HNF4A: variants seen among roughly 807,000 people sequenced by gnomAD.
The protein encoded by HNF4A is hepatocyte nuclear factor 4-alpha.
A neutral mutation model predicts 52.4 loss-of-function variants in HNF4A; 15 were observed. The observed-to-expected ratio is 0.29, with a 90% confidence interval of 0.19 to 0.44. The LOEUF is 0.44. Ranked by LOEUF, HNF4A falls within the 20% of genes least tolerant of loss-of-function variation. The pLI is 1.00. For synonymous variants in HNF4A, 280 were observed against 264.4 expected (o/e 1.06, Z -0.57); for missense variants, 479 against 647.2 (o/e 0.74, Z 2.82).
At chr20:44,420,671 C>T (rs2063732180) in intron 7 of HNF4A, among the ~76,000 whole-genome samples, 1 of 151,774 alleles carries the variant, frequency 6.6e-6, no homozygotes, top group Non-Finnish European at 1.5e-5. Flanking sequence ...GTCCCAGCTA[C>T]TCGGGAAGCC....
rs199678287 is a variant in HNF4A, at chr20:44,406,113, C to G, written c.171C>G (p.Ser57Arg). The change falls in exon 2 of 10, where the codon AGC (serine) becomes AGG (arginine). Residue 57 changes from serine to arginine, a missense_variant. Physicochemically the swap from Ser to Arg is moderately radical, Grantham distance 110 (BLOSUM62 -1). Coordinates refer to ENST00000316099, the MANE Select transcript of HNF4A (RefSeq NM_000457.6). Reference sequence around the variant, plus strand: ...ACGCGCCCAACAGCCTGGGTGTCAGCGCCCTGTGTGCCATCTGCGGGGACC... The same window carrying G: ...ACGCGCCCAACAGCCTGGGTGTCAGGGCCCTGTGTGCCATCTGCGGGGACC... The G allele has an allele frequency of 1.2e-6, 2 of 1,613,480 alleles. No individual in the cohort carries two copies.
At chr20:44,394,251 A>AC (rs1362958149) in intron 1 of HNF4A, among the ~76,000 whole-genome samples, 1 of 152,140 alleles carries the variant, frequency 6.6e-6, no homozygotes, top group African/African-American at 2.4e-5. Flanking sequence ...CAGAGAGCCC[A>AC]CCATTCATTC....
chr20:44,397,087 C>T (rs1052489392), upstream of HNF4A, among the ~76,000 whole-genome samples: 30 of 152,184 alleles, frequency 2.0e-4, no homozygotes, highest in Non-Finnish European at 4.0e-4. Flanking sequence ...CACTGGTATA[C>T]AGGCACCAGA....
chr20:44,429,142 G>A (rs1294818503), intron 9 of HNF4A, among the ~76,000 whole-genome samples: 1 of 152,090 alleles, frequency 6.6e-6, no homozygotes, highest in African/African-American at 2.4e-5. Flanking sequence ...CAGCTGGTCC[G>A]GGGTTTCATC....
intron 1 of HNF4A, among the ~76,000 whole-genome samples, chr20:44,404,938 GC>G (rs1312811799): frequency 1.6e-5 from 2 of 124,578 alleles, no homozygotes; most frequent in Non-Finnish European, 3.4e-5. Flanking sequence ...TGGTGTGTGT[GC>G]GTGTGTGGGA....
chr20:44,419,885 C>T lies in HNF4A; in HGVS notation c.892+9C>T. 1.2e-6 allele frequency: 2 copies of T among 1,613,682 alleles called. No individual in the cohort carries two copies. The highest frequency in any genetic ancestry group is 2.7e-5 in the African/African-American group (2 of 75,022). ...CATCTTCTTTGACCCAGGTACAGTGCACACCTCCTAAGCCATCCCTGACTC... is the reference window on the plus strand; with the variant it reads ...CATCTTCTTTGACCCAGGTACAGTGTACACCTCCTAAGCCATCCCTGACTC... On this transcript the variant is annotated intron_variant, in intron 7 of 9. Transcript: ENST00000316099.
chr20:44,369,278 A>AAAAAC (rs2063006751), intron 1 of HNF4A, among the ~76,000 whole-genome samples: 3 of 142,622 alleles, frequency 2.1e-5, no homozygotes, highest in African/African-American at 5.4e-5. Flanking sequence ...AAAAAAAAAA[A>AAAAAC]CTGGGCCGGC....
At chr20:44,394,922 A>G (rs1279800244) in intron 1 of HNF4A, among the ~76,000 whole-genome samples, 2 of 152,170 alleles carry the variant, frequency 1.3e-5, no homozygotes, top group African/African-American at 4.8e-5. Flanking sequence ...GGGAGGGAGG[A>G]AGGAGGCCCA....
At chr20:44,417,448 C>G (rs536863033) in intron 5 of HNF4A, among the ~76,000 whole-genome samples, 1 of 152,296 alleles carries the variant, frequency 6.6e-6, no homozygotes, top group East Asian at 1.9e-4. Context: ...AGTGCTCATA[C>G]ATTTGCTCTG....
intron 1 of HNF4A, among the ~76,000 whole-genome samples, chr20:44,381,467 C>T (rs1056833744): frequency 4.0e-5 from 6 of 151,830 alleles, no homozygotes; most frequent in Non-Finnish European, 7.4e-5. Flanking sequence ...TTTTAGTAGA[C>T]GGGGTTTCAC....
chr20:44,387,246 C>T (rs1030464860), intron 1 of HNF4A, among the ~76,000 whole-genome samples: 1 of 146,114 alleles, frequency 6.8e-6, no homozygotes, highest in African/African-American at 2.5e-5. Flanking sequence ...CGAGATCGTG[C>T]CATTGCTCTC....
intron 1 of HNF4A, among the ~76,000 whole-genome samples, chr20:44,372,509 G>A (rs2063044005): frequency 6.6e-6 from 1 of 151,978 alleles, no homozygotes; most frequent in Non-Finnish European, 1.5e-5. Context: ...CTCACTCCCA[G>A]GCCCCATCTG....
At chr20:44,418,957 G>A (rs2063705549) in intron 6 of HNF4A, among the ~76,000 whole-genome samples, 1 of 152,110 alleles carries the variant, frequency 6.6e-6, no homozygotes, top group Non-Finnish European at 1.5e-5. Context: ...TGTATTTTTA[G>A]TAGAGACAGG....
At position 44,414,518 on chromosome 20, in the gene HNF4A, C is replaced by T. The variant is rs569395318; in HGVS notation, c.504C>T (p.Pro168=). 23 of 1,614,236 alleles carry T rather than the reference C, an allele frequency of 1.4e-5. No individual in the cohort carries two copies. The highest frequency in any genetic ancestry group is 9.3e-5 in the African/African-American group (7 of 75,062). ...TGTATCTCTCGAAGATCACCTCCCC[C>T]GTCTCCGGGATCAACGGCGACATTC... is the stretch of plus-strand genomic sequence containing the variant. The change falls in exon 5 of 10, where the codon CCC becomes CCT. Residue 168 remains proline, a synonymous_variant. Coordinates refer to ENST00000316099, the MANE Select transcript of HNF4A (RefSeq NM_000457.6).
intron 7 of HNF4A, among the ~76,000 whole-genome samples, chr20:44,421,668 C>T (rs542077284): frequency 1.3e-5 from 2 of 151,506 alleles, no homozygotes; most frequent in East Asian, 1.9e-4. Context: ...GCAGGAGAAT[C>T]GCTTGAACCT....
intron 3 of HNF4A, among the ~76,000 whole-genome samples, chr20:44,409,729 ACATTGGATAATGAACC>A (rs1017713669): frequency 6.6e-6 from 1 of 152,112 alleles, no homozygotes; most frequent in African/African-American, 2.4e-5. Flanking sequence ...TAAAATGAGG[ACATTGGATAATGAACC>A]CTTCAGCCCT....
intron 1 of HNF4A, among the ~76,000 whole-genome samples, chr20:44,381,819 C>T (rs888112146): frequency 6.6e-6 from 1 of 152,140 alleles, no homozygotes; most frequent in African/African-American, 2.4e-5. Flanking sequence ...CCATGTTGGT[C>T]AGGCTGGTCT....
chr20:44,428,914 C>T (rs978301099), intron 9 of HNF4A, among the ~76,000 whole-genome samples: 3 of 152,160 alleles, frequency 2.0e-5, no homozygotes, highest in Non-Finnish European at 4.4e-5. Flanking sequence ...ATAAACTTGT[C>T]ATTGGGCAAA....
intron 1 of HNF4A, among the ~76,000 whole-genome samples, chr20:44,362,240 T>G (rs1204833621): frequency 2.0e-5 from 3 of 151,812 alleles, no homozygotes; most frequent in Non-Finnish European, 4.4e-5. Context: ...GTCAACATGG[T>G]GAAACCCTGT....
Sources: allele counts gnomAD v4.1 joint callset (sites outside exome capture counted in the v4.1 genomes callset), GRCh38; gene constraint gnomAD v4.1.1; transcripts MANE v1.5; gene names NCBI Gene and HGNC (gene_info 2026-07-23, HGNC 2026-07-21).